KDM4B: variants seen among roughly 807,000 people sequenced by gnomAD.
KDM4B encodes the protein lysine-specific demethylase 4B.
A neutral mutation model predicts 125.2 loss-of-function variants in KDM4B; 32 were observed. The ratio of observed to expected loss-of-function variants is 0.26; its 90% CI spans 0.19 to 0.34. The LOEUF (loss-of-function observed/expected upper bound fraction) is 0.34. Ranked by LOEUF, KDM4B falls within the 10% of genes least tolerant of loss-of-function variation. The probability of loss-of-function intolerance (pLI) is 1.00; values close to 1 mark genes in which losing one functional copy is unlikely to be tolerated. For synonymous variants in KDM4B, 721 were observed against 677.9 expected (o/e 1.06, Z -0.99); for missense variants, 1,190 against 1,577.7 (o/e 0.75, Z 4.16).
rs139141668 is a variant in KDM4B at position 5,135,346 on chromosome 19, A to G, written c.2093A>G (p.Gln698Arg). The G allele has an allele frequency of 1.6e-5, 25 of 1,610,924 alleles. No homozygotes were observed. In the African/African-American group the frequency reaches 2.0e-4, roughly 13 times the overall value. ...GTCGCCTCTCCCCTACAGGCCCTAC[A>G]GACTGAGAAGGAGGCACCCATAGCC... Reference protein sequence around the residue: ...TLFYPYCQALQTEKEAPIASL... With the variant: ...TLFYPYCQALRTEKEAPIASL... Residue 698 changes from glutamine (Q) to arginine (R), a missense_variant, in exon 15 of 23, where the codon CAG (glutamine) becomes CGG (arginine). Gln to Arg is a conservative substitution (Grantham distance 43). This residue lies in a region of KDM4B where 128 missense variants were observed against 137.8 expected (regional missense o/e 0.93). Coordinates refer to ENST00000159111, the MANE Select transcript of KDM4B (RefSeq NM_015015.3).
At chr19:5,113,820 A>T in intron 10 of KDM4B, 2 of 918,298 alleles carry the variant, frequency 2.2e-6, no homozygotes, top group Non-Finnish European at 2.6e-6. Flanking sequence ...CCATGCCCTC[A>T]CCCCCGTGCA....
intron 3 of KDM4B, among the ~76,000 whole-genome samples, chr19:5,038,217 T>A (rs1033663908): frequency 6.6e-6 from 1 of 152,114 alleles, no homozygotes; most frequent in Non-Finnish European, 1.5e-5. Context: ...CAGGACTGGG[T>A]GTGGCAGCCC....
At chr19:5,128,919 C>T (rs1411582318) in intron 11 of KDM4B, among the ~76,000 whole-genome samples, 1 of 151,742 alleles carries the variant, frequency 6.6e-6, no homozygotes, top group African/African-American at 2.4e-5. Context: ...GAAGACTGCG[C>T]TCCCTGCAAG....
intron 6 of KDM4B, among the ~76,000 whole-genome samples, chr19:5,068,694 G>A (rs1248960927): frequency 6.6e-6 from 1 of 152,238 alleles, no homozygotes; most frequent in African/African-American, 2.4e-5. Context: ...CACTGGCGGT[G>A]GCGGAGCCCA....
chr19:5,012,017 G>A (rs182965903), intron 1 of KDM4B, among the ~76,000 whole-genome samples: 2 of 152,306 alleles, frequency 1.3e-5, no homozygotes, highest in African/African-American at 4.8e-5. Flanking sequence ...TTACGTAATC[G>A]GTAGCTCGTG....
At chr19:5,126,414 C>T (rs947183251) in intron 11 of KDM4B, among the ~76,000 whole-genome samples, 2 of 152,172 alleles carry the variant, frequency 1.3e-5, no homozygotes, top group African/African-American at 2.4e-5. Context: ...TCCGGGGAGG[C>T]CCCGCCTCCT....
At chr19:5,069,259 C>T (rs1349401136) in intron 6 of KDM4B, among the ~76,000 whole-genome samples, 9 of 152,200 alleles carry the variant, frequency 5.9e-5, no homozygotes, top group East Asian at 1.9e-4. Context: ...CCGTGATGTT[C>T]GCCTCTTCTC....
chr19:5,069,396 A>G (rs572150489), intron 6 of KDM4B, among the ~76,000 whole-genome samples: 1 of 148,556 alleles, frequency 6.7e-6, no homozygotes, highest in Admixed American at 6.7e-5. Context: ...TGCAACCTCC[A>G]CTTCCTGGAT....
At chr19:5,028,139 T>C (rs2036339414) in intron 2 of KDM4B, among the ~76,000 whole-genome samples, 1 of 152,070 alleles carries the variant, frequency 6.6e-6, no homozygotes, top group Non-Finnish European at 1.5e-5. Flanking sequence ...GCCTGGCTAA[T>C]TTTTTATTTT....
intron 1 of KDM4B, among the ~76,000 whole-genome samples, chr19:4,979,761 A>G (rs2034573414): frequency 6.6e-6 from 1 of 152,150 alleles, no homozygotes; most frequent in South Asian, 2.1e-4. Flanking sequence ...AAAAATATAT[A>G]TTTTTATGGA....
rs543487102 is a variant in KDM4B, at chr19:5,058,093, G to A, written c.626+10424G>A. On this transcript the variant is annotated intron_variant, in intron 6 of 22. Transcript: ENST00000159111. ...CGTGGCCACACCTTGCATCAAGGGA[G>A]GCTGGGAAATGTAGTCTGACCACAT... Among the ~76,000 whole-genome samples the A allele has an allele frequency of 4.6e-5, 7 of 152,372 alleles. 2 individuals are homozygous for A. Among genetic ancestry groups the A allele is most frequent in the African/African-American group, 1.7e-4 (7 of 41,596 alleles).
At chr19:5,103,352 A>G (rs974463865) in intron 9 of KDM4B, among the ~76,000 whole-genome samples, 3 of 152,086 alleles carry the variant, frequency 2.0e-5, no homozygotes, top group African/African-American at 4.8e-5. Flanking sequence ...AAAGAAATCT[A>G]TTTATCTCTG....
At chr19:5,060,272 C>G (rs74172680) in intron 6 of KDM4B, among the ~76,000 whole-genome samples, 1 of 151,940 alleles carries the variant, frequency 6.6e-6, no homozygotes, top group Non-Finnish European at 1.5e-5. Context: ...AACCCCGTCT[C>G]TATTAAAAAT....
At chr19:5,010,367 G>A (rs1418368127) in intron 1 of KDM4B, among the ~76,000 whole-genome samples, 5 of 152,190 alleles carry the variant, frequency 3.3e-5, no homozygotes, top group East Asian at 1.9e-4. Context: ...GCGGCTCAGC[G>A]TGGTGGTGTT....
intron 12 of KDM4B, 93 bp downstream of exon 12, chr19:5,131,638 G>C (rs1392958729): frequency 9.5e-6 from 6 of 634,834 alleles, no homozygotes; most frequent in Non-Finnish European, 1.6e-5. Context: ...GCTGGTGGCG[G>C]GGGAGGGGGC....
At chr19:5,004,001 C>G (rs1351037324) in intron 1 of KDM4B, among the ~76,000 whole-genome samples, 1 of 152,164 alleles carries the variant, frequency 6.6e-6, no homozygotes, top group East Asian at 1.9e-4. Context: ...GTCTGGCTCC[C>G]CTCTGCGCGT....
chr19:5,099,937 G>A (rs2038898910), intron 9 of KDM4B, among the ~76,000 whole-genome samples: 1 of 152,222 alleles, frequency 6.6e-6, no homozygotes, highest in Non-Finnish European at 1.5e-5. Flanking sequence ...CCACAGGATG[G>A]TTAGGCAACA....
At chr19:5,060,433 C>CAAAAAAAAAAAAAAAAAAAAAAAAAAA (rs901472663) in intron 6 of KDM4B, among the ~76,000 whole-genome samples, 1 of 32,978 alleles carries the variant, frequency 3.0e-5, no homozygotes, top group Non-Finnish European at 6.5e-5. Context: ...ACTCTGTCTC[C>CAAAAAAAAAAAAAAAAAAAAAAAAAAA]AAAAAAAAAA....
Position 5,151,627 on chromosome 19 carries a change from A to C in KDM4B, c.*116A>C. The C allele has an allele frequency of 5.3e-6, 5 of 942,236 alleles. No individual in the cohort carries two copies. Among genetic ancestry groups the C allele is most frequent in the Non-Finnish European group, 5.6e-6 (4 of 717,672 alleles). The allele number at this position is 942,236 out of a possible 1,614,324, so 58.4% of individuals were successfully genotyped here. On this transcript the variant is annotated 3_prime_UTR_variant, in exon 23 of 23. Transcript: ENST00000159111. Reference sequence around the variant, plus strand: ...CCCCGACCCCCGAGAGGCCACCTCCAAGCCGCGGGTGCCCCCTAGGGCGAC... The same window carrying C: ...CCCCGACCCCCGAGAGGCCACCTCCCAGCCGCGGGTGCCCCCTAGGGCGAC...
Sources: allele counts gnomAD v4.1 joint callset (sites outside exome capture counted in the v4.1 genomes callset), GRCh38; gene constraint gnomAD v4.1.1; regional missense constraint gnomAD v4.1.1; transcripts MANE v1.5; gene names NCBI Gene and HGNC (gene_info 2026-07-23, HGNC 2026-07-21).